The following TP53BP1 variants were observed in gnomAD, a reference collection of about 807,000 sequenced individuals.
The protein encoded by TP53BP1 is tumor protein p53 binding protein 1, also known as TP53-binding protein 1.
A neutral mutation model predicts 200.8 loss-of-function variants in TP53BP1; 61 were observed. That is an observed-to-expected ratio of 0.30 (90% CI 0.25 to 0.38). The LOEUF (loss-of-function observed/expected upper bound fraction) is 0.38. Among genes scored for constraint, TP53BP1 ranks in the 10% least tolerant of loss-of-function variants. The pLI is 1.00. For synonymous variants in TP53BP1, 822 were observed against 844.3 expected (o/e 0.97, Z 0.46); for missense variants, 2,144 against 2,371.9 (o/e 0.90, Z 2.00).
chr15:43,438,478 T>C, intron 15 of TP53BP1, 62 bp from the exon 16 acceptor site: 2 of 1,387,628 alleles, frequency 1.4e-6, no homozygotes, highest in Non-Finnish European at 2.0e-6. Flanking sequence ...TTTTGGAGAT[T>C]ATCCTTTTAT....
At chr15:43,498,689 T>A (rs1566971379) in intron 1 of TP53BP1, among the ~76,000 whole-genome samples, 1 of 152,214 alleles carries the variant, frequency 6.6e-6, no homozygotes, top group Non-Finnish European at 1.5e-5. Flanking sequence ...GTTTCCCTTC[T>A]TCTATAAATA....
intron 24 of TP53BP1, 65 bp downstream of exon 24, chr15:43,413,054 A>G: frequency 6.6e-7 from 1 of 1,515,820 alleles, no homozygotes; most frequent in Non-Finnish European, 9.1e-7. Context: ...CCACCAGCTC[A>G]TAAGTGACTG....
rs746785112 is a variant in TP53BP1 at position 43,477,764 on chromosome 15, G to A, written c.789-5C>T. On this transcript the variant is annotated splice_polypyrimidine_tract_variant and splice_region_variant and intron_variant, in intron 7 of 27. Coordinates refer to ENST00000382044, the MANE Select transcript of TP53BP1 (RefSeq NM_001141980.3). Reference sequence around the variant, plus strand: ...CTAAAAGGCATGTCCTCTGACCTAGGAAATTCATATCACCAGGAGAAAAAG... The same window carrying A: ...CTAAAAGGCATGTCCTCTGACCTAGAAAATTCATATCACCAGGAGAAAAAG... 2.6e-6 allele frequency: 4 copies of A among 1,529,504 alleles called. No individual in the cohort carries two copies. Among genetic ancestry groups the A allele is most frequent in the Admixed American group, 2.2e-5 (1 of 45,464 alleles). 94.7% of individuals were successfully genotyped at this position (1,529,504 alleles called of 1,614,324 possible).
At chr15:43,481,090 A>C in intron 4 of TP53BP1, 68 bp from the exon 5 acceptor site, 1 of 1,579,760 alleles carries the variant, frequency 6.3e-7, no homozygotes, top group Non-Finnish European at 8.7e-7. Flanking sequence ...GAGCACTCTG[A>C]CCCCCAACAC....
Position 43,469,933 on chromosome 15 carries a change from T to C in TP53BP1, c.1314A>G (p.Ser438=), listed in dbSNP as rs2046683101. The C allele has an allele frequency of 1.2e-6, 2 of 1,613,956 alleles. No homozygotes were observed. Among genetic ancestry groups the C allele is most frequent in the Admixed American group, 1.7e-5 (1 of 59,994 alleles). ...LPESTVSPQA[S]TPISQSTPVF... Reference sequence around the variant, plus strand: ...CTGGTGTGCTCTGAGATATTGGTGTTGAGGCTTGTGGTGATACAGTGGACT... The same window carrying C: ...CTGGTGTGCTCTGAGATATTGGTGTCGAGGCTTGTGGTGATACAGTGGACT... The change falls in exon 11 of 28, where the codon TCA becomes TCG. Residue 438 remains serine (S), a synonymous_variant. Transcript: ENST00000382044.
chr15:43,407,652 A>G (rs1305841974), intron 27 of TP53BP1, 82 bp from the exon 28 acceptor site: 2 of 1,342,858 alleles, frequency 1.5e-6, no homozygotes, highest in East Asian at 2.4e-5. Flanking sequence ...ATTCTAACCA[A>G]TACATCCCAC....
At chr15:43,429,686 A>T (rs2045627837) in intron 17 of TP53BP1, among the ~76,000 whole-genome samples, 1 of 152,214 alleles carries the variant, frequency 6.6e-6, no homozygotes, top group African/African-American at 2.4e-5. Flanking sequence ...GTGACTAGTT[A>T]TAAATAATAT....
intron 13 of TP53BP1, 141 bp downstream of exon 13, chr15:43,447,225 A>T (rs1401789816): frequency 1.3e-6 from 1 of 799,684 alleles, no homozygotes; most frequent in Non-Finnish European, 2.0e-6. Context: ...TCACAGAACC[A>T]GACTTCATAA....
In TP53BP1 at chr15:43,455,993, G is replaced by A. The variant is rs1210582596; in HGVS notation, c.2615C>T (p.Ser872Leu). The change falls in exon 12 of 28, where the codon TCA (serine) becomes TTA (leucine). Residue 872 changes from serine (S) to leucine (L), a missense_variant. Physicochemically the swap from Ser to Leu is moderately radical, Grantham distance 145 (BLOSUM62 -2). Around this residue, in one of 4 missense-constraint regions of TP53BP1, gnomAD observed 1,700 missense variants for 1,710.3 expected, o/e 0.99. Coordinates refer to ENST00000382044, the MANE Select transcript of TP53BP1 (RefSeq NM_001141980.3). ...EKTSNSLTED[S>L]KMANAKQLSS... ...TAGCTGCTTTGCATTAGCCATTTTT[G>A]AGTCTTCTGTTAATGAATTACTTGT... The A allele has an allele frequency of 6.2e-7, 1 of 1,613,926 alleles. No individual in the cohort carries two copies. Among genetic ancestry groups the A allele is most frequent in the East Asian group, 2.2e-5 (1 of 44,876 alleles).
rs2046047885 is a variant in TP53BP1, at chr15:43,446,610, GA to G, written c.2837-21del. Reference sequence around the variant, plus strand: ...TAATACCTGAAAGAAGTGAGGCAGGGAGGAAGAAAAAAAGAACACTAAAATA... The same window carrying G: ...TAATACCTGAAAGAAGTGAGGCAGGGGGAAGAAAAAAAGAACACTAAAATA... On this transcript the variant is annotated intron_variant, in intron 13 of 27. Coordinates refer to ENST00000382044, the MANE Select transcript of TP53BP1 (RefSeq NM_001141980.3). The G allele has an allele frequency of 6.2e-7, 1 of 1,600,612 alleles. No individual in the cohort carries two copies. The highest frequency in any genetic ancestry group is 1.3e-5 in the African/African-American group (1 of 74,246).
At chr15:43,438,596 A>C (rs1389417923) in intron 15 of TP53BP1, among the ~76,000 whole-genome samples, 180 bp from the exon 16 acceptor site, 4 of 152,110 alleles carry the variant, frequency 2.6e-5, no homozygotes, top group Admixed American at 6.6e-5. Context: ...TAAAATTCTC[A>C]AGGAAGATTC....
At position 43,420,968 on chromosome 15, in the gene TP53BP1, C is replaced by G. The variant is rs906149093; in HGVS notation, c.4250+57G>C. ...CCCACAAACTCTCTACTCCCCTCTC[C>G]TCCATTCCCTTGTTTTCTGAACAAC... On this transcript the variant is annotated intron_variant, in intron 20 of 27. Transcript: ENST00000382044. 9 of 1,566,642 alleles carry G rather than the reference C, an allele frequency of 5.7e-6. No homozygotes were observed. The Admixed American group carries it at 1.1e-4, about 19-fold the overall frequency.
At chr15:43,414,020 A>G (rs1329214489) in intron 23 of TP53BP1, 1 of 429,600 alleles carries the variant, frequency 2.3e-6, no homozygotes, top group Non-Finnish European at 4.8e-6. Flanking sequence ...AGTGCCCCCA[A>G]TAAGTCCTTG....
Position 43,469,957 on chromosome 15 carries a change from C to T in TP53BP1, c.1290G>A (p.Glu430=), listed in dbSNP as rs370645828. The change falls in exon 11 of 28, where the codon GAG becomes GAA. Residue 430 remains glutamate (E), a synonymous_variant. Coordinates refer to ENST00000382044, the MANE Select transcript of TP53BP1 (RefSeq NM_001141980.3). ...VELENPPLLP[E]STVSPQASTP... The stretch of plus-strand genomic sequence containing the variant: ...TTGAGGCTTGTGGTGATACAGTGGA[C>T]TCAGGCAGGAGAGGGGGGTTTTCTA... 1.2e-6 allele frequency: 2 copies of T among 1,614,012 alleles called. No homozygotes were observed. Among genetic ancestry groups the T allele is most frequent in the East Asian group, 4.5e-5 (2 of 44,886 alleles).
At chr15:43,442,686 T>C (rs2045953933) in intron 14 of TP53BP1, among the ~76,000 whole-genome samples, 1 of 151,484 alleles carries the variant, frequency 6.6e-6, no homozygotes, top group Non-Finnish European at 1.5e-5. Flanking sequence ...TTAGTAGAGA[T>C]GGGGTTTCAC....
intron 4 of TP53BP1, among the ~76,000 whole-genome samples, chr15:43,485,372 T>A (rs1490103002): frequency 1.3e-5 from 2 of 150,572 alleles, no homozygotes; most frequent in African/African-American, 4.9e-5. Flanking sequence ...GGTCAGGAGA[T>A]CAAGACCATC....
intron 11 of TP53BP1, among the ~76,000 whole-genome samples, chr15:43,461,821 A>G (rs930962884): frequency 3.3e-5 from 5 of 151,686 alleles, no homozygotes; most frequent in Non-Finnish European, 7.4e-5. Context: ...GGTGCCCGCC[A>G]CCACACCCGG....
chr15:43,455,323 C>A (rs1161889609), intron 12 of TP53BP1, among the ~76,000 whole-genome samples: 2 of 151,536 alleles, frequency 1.3e-5, no homozygotes, highest in Non-Finnish European at 2.9e-5. Flanking sequence ...AAAAAAAAAA[C>A]AGATTGGTAC....
intron 19 of TP53BP1, 156 bp downstream of exon 19, chr15:43,421,693 ACAAACC>A (rs750464119): frequency 3.9e-4 from 419 of 1,079,822 alleles, no homozygotes; most frequent in Non-Finnish European, 4.9e-4. Flanking sequence ...TACTTCCCAC[ACAAACC>A]CAAAACAGGA....
Sources: allele counts gnomAD v4.1 joint callset (sites outside exome capture counted in the v4.1 genomes callset), GRCh38; gene constraint gnomAD v4.1.1; regional missense constraint gnomAD v4.1.1; transcripts MANE v1.5; gene names NCBI Gene and HGNC (gene_info 2026-07-23, HGNC 2026-07-21).